Variants in ERC2 observed in about 807,000 individuals in gnomAD.
ERC2 encodes ELKS/RAB6-interacting/CAST family member 2.
In ERC2, 42 loss-of-function variants were observed where a neutral mutation model predicts 114.8. The ratio of observed to expected loss-of-function variants is 0.37; its 90% CI spans 0.29 to 0.47. The LOEUF is 0.47. Among genes scored for constraint, ERC2 ranks in the 20% least tolerant of loss-of-function variants. ERC2 has a pLI of 0.99. For synonymous variants in ERC2, 454 were observed against 425.5 expected, an observed-to-expected ratio of 1.07 and a Z score of -0.82; for missense variants, 939 against 1,150.7, an observed-to-expected ratio of 0.82 and a Z score of 2.66.
chr3:56,281,241 T>C (rs2054320567), intron 3 of ERC2, among the ~76,000 whole-genome samples: 1 of 151,262 alleles, frequency 6.6e-6, no homozygotes, highest in Admixed American at 6.6e-5. Flanking sequence ...ATCGAGACCA[T>C]CCCGGCTAAA....
intron 7 of ERC2, among the ~76,000 whole-genome samples, chr3:56,032,895 G>A (rs1415427870): frequency 7.4e-5 from 7 of 94,940 alleles, no homozygotes; most frequent in African/African-American, 1.8e-4. Context: ...AAGAGAGAGA[G>A]AGAGACAGAA....
At chr3:55,775,628 T>A (rs1371389729) in intron 14 of ERC2, among the ~76,000 whole-genome samples, 2 of 151,290 alleles carry the variant, frequency 1.3e-5, no homozygotes, top group African/African-American at 4.9e-5. Context: ...GAGAGATAGA[T>A]AATAGACAGA....
At chr3:55,596,928 G>A (rs539653716) in intron 17 of ERC2, among the ~76,000 whole-genome samples, 1 of 152,230 alleles carries the variant, frequency 6.6e-6, no homozygotes, top group African/African-American at 2.4e-5. Flanking sequence ...AACATTAATA[G>A]AGATTTAGAA....
At chr3:56,227,340 T>C (rs747035628) in intron 3 of ERC2, among the ~76,000 whole-genome samples, 59 of 151,648 alleles carry the variant, frequency 3.9e-4, no homozygotes, top group Admixed American at 1.4e-3. Context: ...GAGTAAGGTA[T>C]AGGAGCACAC....
intron 14 of ERC2, among the ~76,000 whole-genome samples, chr3:55,867,320 TGCCTAGCACAGG>T (rs1438823720): frequency 6.6e-6 from 1 of 152,108 alleles, no homozygotes; most frequent in Non-Finnish European, 1.5e-5. Flanking sequence ...CCACACACAG[TGCCTAGCACAGG>T]GCCTGGCATG....
intron 2 of ERC2, among the ~76,000 whole-genome samples, chr3:56,301,747 T>G (rs2055893373): frequency 6.6e-6 from 1 of 152,122 alleles, no homozygotes; most frequent in African/African-American, 2.4e-5. Flanking sequence ...TTCAGTTATG[T>G]ATTTAACATA....
At chr3:55,817,300 T>C (rs1240700012) in intron 14 of ERC2, among the ~76,000 whole-genome samples, 1 of 152,188 alleles carries the variant, frequency 6.6e-6, no homozygotes, top group African/African-American at 2.4e-5. Flanking sequence ...ATTTCCAAGC[T>C]TTTAGTGTTT....
chr3:55,583,399 T>TTTCCTTCCTTCCTTCCTTCCTTCCTTCC (rs568033136), intron 17 of ERC2, among the ~76,000 whole-genome samples: 3 of 87,066 alleles, frequency 3.4e-5, no homozygotes, highest in Non-Finnish European at 4.9e-5. Flanking sequence ...TCCTTCCTTC[T>TTTCCTTCCTTCCTTCCTTCCTTCCTTCC]TTCCTTCCTT....
chr3:56,039,636 GA>G (rs200497029), intron 7 of ERC2, among the ~76,000 whole-genome samples: 3 of 150,920 alleles, frequency 2.0e-5, no homozygotes, highest in African/African-American at 7.3e-5. Flanking sequence ...CACAGAAATA[GA>G]AAAAAAAATC....
intron 14 of ERC2, among the ~76,000 whole-genome samples, chr3:55,758,961 T>C (rs866333778): frequency 6.6e-6 from 1 of 152,206 alleles, no homozygotes; most frequent in Non-Finnish European, 1.5e-5. Flanking sequence ...TTCCACCAGA[T>C]AAGGTGGTTT....
intron 2 of ERC2, among the ~76,000 whole-genome samples, chr3:56,331,968 G>C (rs926561882): frequency 2.0e-5 from 3 of 152,328 alleles, no homozygotes; most frequent in Admixed American, 1.3e-4. Flanking sequence ...TGTAAGGCCT[G>C]ATTCCTGCTG....
chr3:56,022,060 T>C (rs2073756297), intron 7 of ERC2, among the ~76,000 whole-genome samples: 1 of 152,226 alleles, frequency 6.6e-6, no homozygotes, highest in Admixed American at 6.5e-5. Flanking sequence ...TATGGTAGAA[T>C]GCTTTATATT....
chr3:55,682,041 C>G (rs773637683), intron 17 of ERC2, among the ~76,000 whole-genome samples: 1 of 152,204 alleles, frequency 6.6e-6, no homozygotes, highest in Non-Finnish European at 1.5e-5. Flanking sequence ...TTAGAACTTT[C>G]CTTTACCTAC....
chr3:55,711,964 TTCTC>T (rs2063799616), intron 15 of ERC2, among the ~76,000 whole-genome samples: 1 of 152,250 alleles, frequency 6.6e-6, no homozygotes, highest in Admixed American at 6.5e-5. Flanking sequence ...CTGTACCTCT[TTCTC>T]TATGCTGTGC....
chr3:56,349,702 C>T (rs1428588344), intron 2 of ERC2, among the ~76,000 whole-genome samples: 5 of 152,116 alleles, frequency 3.3e-5, no homozygotes, highest in East Asian at 3.9e-4. Flanking sequence ...GTCAGCAGTT[C>T]GAGACCAACC....
rs570098986 is a variant in ERC2, at chr3:56,125,470, A to C, written c.1473+14039T>G. Among the ~76,000 whole-genome samples, 7 of 152,332 alleles carry C rather than the reference A, an allele frequency of 4.6e-5. No homozygotes were observed. In the South Asian group the frequency reaches 1.5e-3, roughly 32 times the overall value. ...GTGCCTAGCAGCCCAAGGCACTTCCAGGGAAGTTATCATGAACTGACCCTG... is the reference window on the plus strand; with the variant it reads ...GTGCCTAGCAGCCCAAGGCACTTCCCGGGAAGTTATCATGAACTGACCCTG... On this transcript the variant is annotated intron_variant, in intron 6 of 17. Transcript: ENST00000288221.
At chr3:56,456,955 T>A (rs937912405) in intron 1 of ERC2, among the ~76,000 whole-genome samples, 1 of 131,784 alleles carries the variant, frequency 7.6e-6, no homozygotes, top group Non-Finnish European at 1.7e-5. Flanking sequence ...GTAAATCATA[T>A]CGAAGTAAAG....
intron 17 of ERC2, among the ~76,000 whole-genome samples, chr3:55,585,822 G>C (rs2057570615): frequency 6.6e-6 from 1 of 152,312 alleles, no homozygotes; most frequent in South Asian, 2.1e-4. Context: ...CCTAGAAAAA[G>C]CTGCAGGTTT....
chr3:56,307,388 G>C (rs1390939516), intron 2 of ERC2, among the ~76,000 whole-genome samples: 1 of 152,008 alleles, frequency 6.6e-6, no homozygotes, highest in Non-Finnish European at 1.5e-5. Flanking sequence ...GGAAAGTATG[G>C]GTTTTGAGCA....
Sources: gnomAD v4.1 joint callset for allele counts (sites outside exome capture counted in the v4.1 genomes callset) on GRCh38, gnomAD v4.1.1 for gene constraint, MANE v1.5 for transcripts, NCBI Gene and HGNC (gene_info 2026-07-23, HGNC 2026-07-21) for gene names.